TNFAIP8: variants seen among roughly 807,000 people sequenced by gnomAD.
TNFAIP8 encodes the protein TNF alpha induced protein 8.
Under a neutral mutation model 13.3 loss-of-function variants are expected in TNFAIP8, and 7 were observed. The ratio of observed to expected loss-of-function variants is 0.52; its 90% CI spans 0.30 to 0.99. The LOEUF (loss-of-function observed/expected upper bound fraction) is 0.99, where lower values mean the gene tolerates loss of function less well. Ranked by LOEUF, TNFAIP8 falls within the 50% of genes least tolerant of loss-of-function variation. The pLI is 0.07. For synonymous variants in TNFAIP8, 94 were observed against 87.6 expected, an observed-to-expected ratio of 1.07 and a Z score of -0.41; for missense variants, 258 against 236.9, an observed-to-expected ratio of 1.09 and a Z score of -0.58.
intron 1 of TNFAIP8, among the ~76,000 whole-genome samples, chr5:119,392,017 G>A (rs1752912647): frequency 6.6e-6 from 1 of 152,138 alleles, no homozygotes; most frequent in South Asian, 2.1e-4. Context: ...TATTTTTCAT[G>A]TAGCACATTT....
At chr5:119,326,107 A>G (rs538678170) in intron 1 of TNFAIP8, among the ~76,000 whole-genome samples, 1 of 152,232 alleles carries the variant, frequency 6.6e-6, no homozygotes, top group South Asian at 2.1e-4. Context: ...ATCTAAGTCA[A>G]TGCCTACCAT....
intron 1 of TNFAIP8, among the ~76,000 whole-genome samples, chr5:119,321,839 A>G (rs746074676): frequency 3.9e-5 from 6 of 151,996 alleles, no homozygotes; most frequent in Non-Finnish European, 7.4e-5. Flanking sequence ...ACGGCTTTCC[A>G]TTCCAACGGA....
At chr5:119,324,148 GTC>G (rs1750142452) in intron 1 of TNFAIP8, among the ~76,000 whole-genome samples, 1 of 151,604 alleles carries the variant, frequency 6.6e-6, no homozygotes, top group South Asian at 2.1e-4. Context: ...GTTGGCCAGT[GTC>G]TATAATCCCA....
At chr5:119,286,997 G>A (rs1186673046) in intron 1 of TNFAIP8, among the ~76,000 whole-genome samples, 4 of 152,208 alleles carry the variant, frequency 2.6e-5, no homozygotes, top group Middle Eastern at 3.4e-3. Context: ...GTTCCAGAAC[G>A]CATCGCAAGC....
intron 1 of TNFAIP8, among the ~76,000 whole-genome samples, chr5:119,292,019 T>G (rs1749004084): frequency 6.6e-6 from 1 of 152,182 alleles, no homozygotes; most frequent in Admixed American, 6.5e-5. Flanking sequence ...ATAAAATGCC[T>G]GCAGGGCTCA....
chr5:119,300,400 A>T (rs974312190), intron 1 of TNFAIP8, among the ~76,000 whole-genome samples: 1 of 152,248 alleles, frequency 6.6e-6, no homozygotes, highest in African/African-American at 2.4e-5. Flanking sequence ...TTACTGCTTT[A>T]CAGGAGAATC....
rs2112884383 is a variant in TNFAIP8, at chr5:119,398,888, C to T, written c.*5507C>T. 1 of 152,268 alleles carries T rather than the reference C, an allele frequency of 6.6e-6. No homozygotes were observed. Among genetic ancestry groups the T allele is most frequent in the Admixed American group, 6.5e-5 (1 of 15,288 alleles). The allele number at this position is 152,268 out of a possible 1,614,324, so 9.4% of individuals were successfully genotyped here. Reference sequence around the variant, plus strand: ...ACTTTTATTAGGCCAGCAAGAATGACCACTTAGCCATTTAAATGATTTGTC... The same window carrying T: ...ACTTTTATTAGGCCAGCAAGAATGATCACTTAGCCATTTAAATGATTTGTC... On this transcript the variant is annotated 3_prime_UTR_variant, in exon 2 of 2. Coordinates refer to ENST00000504771, the MANE Select transcript of TNFAIP8 (RefSeq NM_014350.4).
chr5:119,389,241 T>C (rs1396331949), intron 1 of TNFAIP8, among the ~76,000 whole-genome samples: 1 of 152,014 alleles, frequency 6.6e-6, no homozygotes, highest in East Asian at 1.9e-4. Context: ...GAATCAAAGA[T>C]CAGTTTTGCA....
At chr5:119,355,971 T>G, upstream of TNFAIP8, 2 of 1,487,286 alleles carry the variant, frequency 1.3e-6, no homozygotes, top group East Asian at 2.7e-5. Context: ...GAGGTTTTGA[T>G]TTTAGTGGCT....
chr5:119,383,954 C>A (rs1752578410), intron 1 of TNFAIP8, among the ~76,000 whole-genome samples: 1 of 152,128 alleles, frequency 6.6e-6, no homozygotes, highest in African/African-American at 2.4e-5. Context: ...TTTCATCTTA[C>A]TTCACTTAGC....
chr5:119,278,642 A>C (rs1028671719), intron 1 of TNFAIP8, among the ~76,000 whole-genome samples: 16 of 152,066 alleles, frequency 1.1e-4, no homozygotes, highest in Admixed American at 3.9e-4. Flanking sequence ...GCATGGTTAC[A>C]GGGTGGACAA....
At chr5:119,304,417 C>G (rs539786018) in intron 1 of TNFAIP8, among the ~76,000 whole-genome samples, 1 of 152,364 alleles carries the variant, frequency 6.6e-6, no homozygotes, top group African/African-American at 2.4e-5. Context: ...AAGGCACTCA[C>G]TCTGTGCTTT....
chr5:119,306,712 C>A (rs1581590645), intron 1 of TNFAIP8: 1 of 152,166 alleles, frequency 6.6e-6, no homozygotes, highest in East Asian at 1.9e-4. Context: ...AAAAGGGATA[C>A]CCTGTCCCAG....
At chr5:119,318,162 T>C (rs1355302955) in intron 1 of TNFAIP8, among the ~76,000 whole-genome samples, 2 of 152,202 alleles carry the variant, frequency 1.3e-5, no homozygotes, top group Non-Finnish European at 2.9e-5. Flanking sequence ...GCTCTTGAAA[T>C]GCTCTGAATT....
rs1334860822 is a variant in TNFAIP8 at position 119,286,573 on chromosome 5, G to A, written c.1+17666G>A. Among the ~76,000 whole-genome samples, 5 of 148,476 alleles carry A rather than the reference G, an allele frequency of 3.4e-5. No individual in the cohort carries two copies. The East Asian group carries it at 9.9e-4, about 29-fold the overall frequency. ...GGAGGCAGAGCTTGCAGAGAGCCAA[G>A]AATGAGCCCCTGTGCTCCAGCCAGG... On this transcript the variant is annotated intron_variant, in intron 1 of 1. Coordinates refer to the TNFAIP8 transcript ENST00000274456.
At chr5:119,316,709 G>T (rs942113817) in intron 1 of TNFAIP8, among the ~76,000 whole-genome samples, 2 of 152,138 alleles carry the variant, frequency 1.3e-5, no homozygotes, top group African/African-American at 2.4e-5. Flanking sequence ...TGAGACTCAG[G>T]TATCAGTATT....
chr5:119,353,661 G>GGAGCTATAAGGCTGACT (rs1487978917), upstream of TNFAIP8, among the ~76,000 whole-genome samples: 789 of 152,282 alleles, frequency 5.2e-3, 11 homozygotes, highest in African/African-American at 0.018. Flanking sequence ...TAAGGCTGAC[G>GGAGCTATAAGGCTGACT]GAGCGCTTGA....
In TNFAIP8 at chr5:119,362,603, C is replaced by T. The variant is rs545737121; in HGVS notation, c.31+6482C>T. The stretch of plus-strand genomic sequence containing the variant: ...TTGACCCCAGGAGTTCAAGACCGGC[C>T]TGGGCAACAAAGTGAGACCCCCCAT... On this transcript the variant is annotated intron_variant, in intron 1 of 1. Transcript: ENST00000504771. 1.3e-5 allele frequency among the ~76,000 whole-genome samples: 2 copies of T among 150,506 alleles called. 1 individual carries two copies. Among genetic ancestry groups the T allele is most frequent in the Admixed American group, 1.3e-4 (2 of 15,070 alleles).
chr5:119,378,269 A>G (rs1189191486), intron 1 of TNFAIP8, among the ~76,000 whole-genome samples: 2 of 152,240 alleles, frequency 1.3e-5, no homozygotes, highest in Non-Finnish European at 2.9e-5. Context: ...CACAGAGAAT[A>G]TAAATGCTGT....
Sources: gnomAD v4.1 joint callset for allele counts (sites outside exome capture counted in the v4.1 genomes callset) on GRCh38, gnomAD v4.1.1 for gene constraint, MANE v1.5 for transcripts, NCBI Gene and HGNC (gene_info 2026-07-23, HGNC 2026-07-21) for gene names.